The following SPATS1 variants were observed in gnomAD, a reference collection of about 807,000 sequenced individuals.
SPATS1 encodes the protein spermatogenesis-associated serine-rich protein 1.
In SPATS1, 23 loss-of-function variants were observed where a neutral mutation model predicts 33.6. The observed-to-expected ratio is 0.68, with a 90% CI of 0.49 to 0.97. SPATS1 has a LOEUF of 0.97. SPATS1 is among the 50% of genes least tolerant of loss of function. The pLI is 0.00. For missense variants in SPATS1, 327 were observed against 361.0 expected, an observed-to-expected ratio of 0.91 and a Z score of 0.76; for synonymous variants, 131 against 125.6, an observed-to-expected ratio of 1.04 and a Z score of -0.29.
chr6:44,368,326 C>T (rs1207388782), intron 5 of SPATS1, 53 bp from the exon 6 acceptor site: 3 of 1,583,328 alleles, frequency 1.9e-6, no homozygotes, highest in African/African-American at 2.7e-5. Flanking sequence ...TACAGCAAAT[C>T]TGTGGATCAT....
At chr6:44,361,152 C>T (rs1583086996) in intron 4 of SPATS1, among the ~76,000 whole-genome samples, 1 of 152,192 alleles carries the variant, frequency 6.6e-6, no homozygotes, top group East Asian at 1.9e-4. Context: ...GCCTCGAAGC[C>T]TGTGCTCTTC....
intron 3 of SPATS1, among the ~76,000 whole-genome samples, chr6:44,355,470 T>C (rs1788532536): frequency 6.6e-6 from 1 of 152,160 alleles, no homozygotes; most frequent in African/African-American, 2.4e-5. Flanking sequence ...TCTCATACCT[T>C]TGAGTGTTTT....
At chr6:44,367,263 T>A (rs1057029198) in intron 5 of SPATS1, among the ~76,000 whole-genome samples, 4 of 152,164 alleles carry the variant, frequency 2.6e-5, no homozygotes, top group Non-Finnish European at 4.4e-5. Flanking sequence ...AATTTTTGTA[T>A]TTTTAGTAGA....
chr6:44,364,142 T>G, intron 5 of SPATS1, among the ~76,000 whole-genome samples: 1 of 152,232 alleles, frequency 6.6e-6, no homozygotes, highest in East Asian at 1.9e-4. Flanking sequence ...GACATCATAT[T>G]ATTTCATCTC....
chr6:44,361,585 G>T (rs958142713), intron 4 of SPATS1: 3 of 966,756 alleles, frequency 3.1e-6, no homozygotes, highest in Non-Finnish European at 3.7e-6. Context: ...ATTTTTGAAG[G>T]AGAGGGTGAA....
chr6:44,344,211 A>G (rs574914508), intron 2 of SPATS1, among the ~76,000 whole-genome samples: 1 of 152,318 alleles, frequency 6.6e-6, no homozygotes, highest in South Asian at 2.1e-4. Context: ...GGGAGGATCC[A>G]TGTTTTCGAG....
At chr6:44,355,720 T>C (rs1482838331) in intron 3 of SPATS1, among the ~76,000 whole-genome samples, 2 of 152,194 alleles carry the variant, frequency 1.3e-5, no homozygotes, top group African/African-American at 4.8e-5. Context: ...CAAAATCTGC[T>C]CCAAGTGGAC....
At chr6:44,349,851 C>G (rs556870241) in intron 2 of SPATS1, among the ~76,000 whole-genome samples, 1 of 152,266 alleles carries the variant, frequency 6.6e-6, no homozygotes, top group South Asian at 2.1e-4. Context: ...CTTATGGATA[C>G]TTTTTGGCTG....
In SPATS1 at chr6:44,352,726, G is replaced by C. The variant is rs1426647063; in HGVS notation, c.140G>C (p.Ser47Thr). The C allele has an allele frequency of 1.2e-6, 2 of 1,613,672 alleles. No homozygotes were observed. The highest frequency in any genetic ancestry group is 1.7e-6 in the Non-Finnish European group (2 of 1,179,692). Residue 47 changes from serine to threonine, a missense_variant and splice_region_variant, in exon 3 of 9, where the codon AGT (serine) becomes ACT (threonine). By Grantham distance (58) the Ser-to-Thr change is moderately conservative. Coordinates refer to ENST00000674044, the MANE Select transcript of SPATS1 (RefSeq NM_001372081.1). The part of the protein sequence containing the change: ...SGMTEVERTY[S>T]ANCSDFLESK... ...AAATGGTGATATCTCTGTGTTACAGGTGCTAATTGCAGTGATTTTCTGGAA... is the reference window on the plus strand; with the variant it reads ...AAATGGTGATATCTCTGTGTTACAGCTGCTAATTGCAGTGATTTTCTGGAA...
At chr6:44,345,834 A>G (rs1468896014) in intron 2 of SPATS1, among the ~76,000 whole-genome samples, 2 of 152,210 alleles carry the variant, frequency 1.3e-5, no homozygotes, top group African/African-American at 4.8e-5. Context: ...CACTTCTCAT[A>G]GGCTTCGGAA....
intron 3 of SPATS1, among the ~76,000 whole-genome samples, chr6:44,353,401 T>G (rs1788359799): frequency 6.6e-6 from 1 of 152,192 alleles, no homozygotes; most frequent in East Asian, 1.9e-4. Flanking sequence ...TTTGTTTGGA[T>G]AGAGACAGGG....
intron 4 of SPATS1, chr6:44,361,589 G>A (rs1223073435): frequency 1.2e-5 from 11 of 950,748 alleles, no homozygotes; most frequent in Non-Finnish European, 1.4e-5. Flanking sequence ...TTGAAGGAGA[G>A]GGTGAAGAGG....
chr6:44,369,827 G>A (rs892306645), intron 6 of SPATS1, among the ~76,000 whole-genome samples: 2 of 151,878 alleles, frequency 1.3e-5, no homozygotes, highest in African/African-American at 2.4e-5. Flanking sequence ...AGCTGAGATT[G>A]TGCCACTGCA....
intron 4 of SPATS1, 83 bp from the exon 5 acceptor site, chr6:44,361,748 T>C: frequency 6.4e-7 from 1 of 1,559,024 alleles, no homozygotes; most frequent in Non-Finnish European, 8.8e-7. Context: ...ATAGTGCCTG[T>C]GGAGTTTTCA....
rs1423325880 is a variant in SPATS1 at position 44,379,836 on chromosome 6, T to C, written c.*2773T>C. Among the ~76,000 whole-genome samples the C allele has an allele frequency of 6.6e-6, 1 of 151,594 alleles. No individual in the cohort carries two copies. Among genetic ancestry groups the C allele is most frequent in the African/African-American group, 2.4e-5 (1 of 41,290 alleles). On this transcript the variant is annotated 3_prime_UTR_variant, in exon 9 of 9. Coordinates refer to ENST00000674044, the MANE Select transcript of SPATS1 (RefSeq NM_001372081.1). ...AAAACCCTACACAACTGTTAGATGA[T>C]TGAACTTCTGGAGTTGCAGAGCTAC...
intron 3 of SPATS1, among the ~76,000 whole-genome samples, chr6:44,359,961 G>A (rs779909833): frequency 1.3e-5 from 2 of 152,174 alleles, no homozygotes; most frequent in Non-Finnish European, 2.9e-5. Flanking sequence ...GGACACTTGG[G>A]TCGTTTCCAC....
chr6:44,364,829 G>A (rs377704942), intron 5 of SPATS1, among the ~76,000 whole-genome samples: 63 of 137,770 alleles, frequency 4.6e-4, no homozygotes, highest in Non-Finnish European at 7.0e-4. Flanking sequence ...ACAGAGTCTC[G>A]CTCTGTCACC....
chr6:44,374,118 A>G (rs564535830), intron 7 of SPATS1, among the ~76,000 whole-genome samples: 1 of 152,354 alleles, frequency 6.6e-6, no homozygotes, highest in South Asian at 2.1e-4. Flanking sequence ...AGGACAAAGT[A>G]TTATGGGATG....
intron 5 of SPATS1, among the ~76,000 whole-genome samples, chr6:44,363,666 C>G (rs1450044376): frequency 4.0e-5 from 1 of 24,728 alleles, no homozygotes; most frequent in Admixed American, 3.5e-4. Flanking sequence ...CTCCTTCCCT[C>G]CTTCCTTCCT....
Sources: allele counts gnomAD v4.1 joint callset (sites outside exome capture counted in the v4.1 genomes callset), GRCh38; gene constraint gnomAD v4.1.1; transcripts MANE v1.5; gene names NCBI Gene and HGNC (gene_info 2026-07-23, HGNC 2026-07-21).